The following MED13L variants were observed in gnomAD, a reference collection of about 807,000 sequenced individuals.
MED13L encodes the protein mediator of RNA polymerase II transcription subunit 13-like.
MED13L carries 7 observed loss-of-function variants against 220.9 expected under a neutral mutation model. The observed-to-expected ratio is 0.03, with a 90% CI of 0.02 to 0.06. The LOEUF is 0.06. Among genes scored for constraint, MED13L ranks in the 10% least tolerant of loss-of-function variants. The pLI, the probability that MED13L is intolerant of heterozygous loss-of-function variation, is 1.00. For missense variants in MED13L, 1,965 were observed against 2,760.5 expected (o/e 0.71, Z 6.46); for synonymous variants, 1,011 against 1,015.2 (o/e 1.00, Z 0.08).
At chr12:116,114,309 G>A (rs1442086050) in intron 2 of MED13L, among the ~76,000 whole-genome samples, 1 of 152,174 alleles carries the variant, frequency 6.6e-6, no homozygotes, top group Admixed American at 6.5e-5. Flanking sequence ...TTTGTCAACT[G>A]AAATACTGAG....
At chr12:116,270,837 T>C (rs1873247691) in intron 1 of MED13L, among the ~76,000 whole-genome samples, 1 of 151,480 alleles carries the variant, frequency 6.6e-6, no homozygotes, top group South Asian at 2.1e-4. Flanking sequence ...GGTCAAGAGA[T>C]AGAGACCATC....
At position 116,189,571 on chromosome 12, in the gene MED13L, G is replaced by C. The variant is rs539335790; in HGVS notation, c.310+47897C>G. 5.9e-5 allele frequency among the ~76,000 whole-genome samples: 9 copies of C among 152,146 alleles called. 4 individuals are homozygous for C. Among genetic ancestry groups the C allele is most frequent in the African/African-American group, 2.2e-4 (9 of 41,526 alleles). On this transcript the variant is annotated intron_variant, in intron 2 of 30. Transcript: ENST00000281928. The stretch of plus-strand genomic sequence containing the variant: ...ATCAGTTCTAAGAACTATAATCCTA[G>C]ATGCCAAAGATTTCTTTTTCCCAAA...
At chr12:115,975,801 T>C in intron 23 of MED13L, 63 bp from the exon 24 acceptor site, 1 of 1,509,890 alleles carries the variant, frequency 6.6e-7, no homozygotes, top group Non-Finnish European at 9.1e-7. Flanking sequence ...TACAACAAAA[T>C]CCAGAACGAC....
chr12:115,963,240 A>ATGCAGCTATGAGGGAC (rs1875896067), intron 30 of MED13L, among the ~76,000 whole-genome samples, 167 bp downstream of exon 30: 1 of 152,180 alleles, frequency 6.6e-6, no homozygotes, highest in Admixed American at 6.5e-5. Context: ...CGCCTGTCCC[A>ATGCAGCTATGAGGGAC]TGCAGCTATG....
chr12:116,031,746 AAAAGAAAAGAAAAGAAGG>A (rs1880824094), intron 4 of MED13L, among the ~76,000 whole-genome samples: 3 of 49,874 alleles, frequency 6.0e-5, no homozygotes, highest in African/African-American at 2.7e-4. Flanking sequence ...AAAAGAAAAG[AAAAGAAAAGAAAAGAAGG>A]AAGGAAGGAA....
At chr12:116,067,217 G>A (rs1870014225) in intron 4 of MED13L, among the ~76,000 whole-genome samples, 1 of 151,946 alleles carries the variant, frequency 6.6e-6, no homozygotes, top group South Asian at 2.1e-4. Context: ...CATAATATTT[G>A]TATATTTATT....
At chr12:115,997,487 T>A (rs1333177468) in intron 14 of MED13L, among the ~76,000 whole-genome samples, 1 of 152,196 alleles carries the variant, frequency 6.6e-6, no homozygotes, top group Admixed American at 6.5e-5. Flanking sequence ...AGTGGCCTGA[T>A]CTTGACTCAC....
chr12:116,125,233 T>G (rs1456363364), intron 2 of MED13L, among the ~76,000 whole-genome samples: 2 of 152,220 alleles, frequency 1.3e-5, no homozygotes, highest in Non-Finnish European at 2.9e-5. Flanking sequence ...CTATTCAGGC[T>G]GCTGAGGTGG....
intron 1 of MED13L, among the ~76,000 whole-genome samples, chr12:116,258,563 G>A (rs543287164): frequency 6.6e-6 from 1 of 152,190 alleles, no homozygotes; most frequent in East Asian, 1.9e-4. Flanking sequence ...GACCACCTCA[G>A]GTCAGGAGTT....
chr12:116,023,893 A>T (rs1880216954), intron 4 of MED13L, among the ~76,000 whole-genome samples: 1 of 152,246 alleles, frequency 6.6e-6, no homozygotes, highest in South Asian at 2.1e-4. Flanking sequence ...AATAATATAA[A>T]CAGTAAAAAT....
intron 4 of MED13L, among the ~76,000 whole-genome samples, chr12:116,085,750 T>TCA (rs201331780): frequency 0.1 from 10,079 of 99,734 alleles, 424 homozygotes; most frequent in South Asian, 0.13. Context: ...AAGATTAAAA[T>TCA]CACTCACACA....
chr12:116,136,928 ATTATT>A (rs762698257), intron 2 of MED13L, among the ~76,000 whole-genome samples: 1 of 152,226 alleles, frequency 6.6e-6, no homozygotes, highest in African/African-American at 2.4e-5. Context: ...AACCACACCA[ATTATT>A]TTAAGTTAAC....
intron 4 of MED13L, among the ~76,000 whole-genome samples, chr12:116,095,385 CAAAGAAAACTTCCGGTCCCT>C (rs1872564409): frequency 6.6e-6 from 1 of 152,060 alleles, no homozygotes; most frequent in Non-Finnish European, 1.5e-5. Context: ...GGTGATTTGA[CAAAGAAAACTTCCGGTCCCT>C]AATTTATCTG....
rs1159787276 is a variant in MED13L at position 116,233,243 on chromosome 12, T to C, written c.310+4225A>G. Among the ~76,000 whole-genome samples the C allele has an allele frequency of 3.9e-5, 6 of 152,262 alleles. No individual in the cohort carries two copies. The East Asian group carries it at 1.2e-3, about 29-fold the overall frequency. ...GTATAATAAAAGTGTTAAAGACTAT[T>C]AATATGAATTATAGTATATAATCAT... On this transcript the variant is annotated intron_variant, in intron 2 of 30. Transcript: ENST00000281928.
chr12:116,017,938 CT>C (rs1006266658), intron 7 of MED13L, among the ~76,000 whole-genome samples: 722 of 143,920 alleles, frequency 5.0e-3, no homozygotes, highest in Middle Eastern at 0.011. Flanking sequence ...TTCTTTTCTT[CT>C]TTTTTTTTTT....
At chr12:116,101,273 G>A (rs1270471961) in intron 3 of MED13L, among the ~76,000 whole-genome samples, 2 of 152,214 alleles carry the variant, frequency 1.3e-5, no homozygotes, top group Non-Finnish European at 2.9e-5. Context: ...TGGGAGTACA[G>A]ACGGTGTGTG....
chr12:115,962,174 G>A (rs1411969254), intron 30 of MED13L, among the ~76,000 whole-genome samples: 1 of 152,070 alleles, frequency 6.6e-6, no homozygotes, highest in Non-Finnish European at 1.5e-5. Flanking sequence ...ATTTCTATTG[G>A]ACAGTGTTCC....
chr12:116,028,895 C>T (rs1592963234), intron 4 of MED13L, among the ~76,000 whole-genome samples: 2 of 152,134 alleles, frequency 1.3e-5, no homozygotes, highest in South Asian at 4.1e-4. Context: ...TTAATTCACC[C>T]TTCCCTAGAG....
chr12:116,023,863 T>C (rs769043824), intron 4 of MED13L, among the ~76,000 whole-genome samples: 1 of 152,184 alleles, frequency 6.6e-6, no homozygotes, highest in African/African-American at 2.4e-5. Context: ...TGCACATAAT[T>C]TGAACATCTA....
Sources: allele counts gnomAD v4.1 joint callset (sites outside exome capture counted in the v4.1 genomes callset), GRCh38; gene constraint gnomAD v4.1.1; transcripts MANE v1.5; gene names NCBI Gene and HGNC (gene_info 2026-07-23, HGNC 2026-07-21).